Variants in IMMT observed in about 807,000 individuals in gnomAD.
IMMT encodes MICOS complex subunit MIC60.
IMMT carries 40 observed loss-of-function variants against 92.7 expected under a neutral mutation model. The observed-to-expected ratio is 0.43, with a 90% CI of 0.34 to 0.56. The LOEUF (loss-of-function observed/expected upper bound fraction) is 0.56. Among genes scored for constraint, IMMT ranks in the 20% least tolerant of loss-of-function variants. The probability of loss-of-function intolerance (pLI) is 0.03; values close to 1 mark genes in which losing one functional copy is unlikely to be tolerated. For missense variants in IMMT, 831 were observed against 912.1 expected (o/e 0.91, Z 1.14); for synonymous variants, 322 against 336.1 (o/e 0.96, Z 0.46).
chr2:86,162,269 C>A (rs535163068), intron 7 of IMMT, among the ~76,000 whole-genome samples, 190 bp from the exon 8 acceptor site: 3 of 151,356 alleles, frequency 2.0e-5, no homozygotes, highest in Non-Finnish European at 4.4e-5. Context: ...CTGCCCACAT[C>A]GGCCCCTCAA....
Position 86,151,292 on chromosome 2 carries a change from CT to C in IMMT, c.1401+4del. 6.2e-7 allele frequency: 1 copy of C among 1,603,124 alleles called. No homozygotes were observed. Among genetic ancestry groups the C allele is most frequent in the East Asian group, 2.2e-5 (1 of 44,822 alleles). ...ATGTTAGGCAACAATTCTCATTTCT[CT>C]TACCTTTCTGTCCTGTTCAGCCTGT... On this transcript the variant is annotated splice_donor_region_variant and intron_variant, in intron 12 of 14. Transcript: ENST00000410111.
chr2:86,149,933 A>ATGAC (rs949360968), intron 12 of IMMT, among the ~76,000 whole-genome samples: 5 of 151,994 alleles, frequency 3.3e-5, no homozygotes, highest in Non-Finnish European at 7.4e-5. Context: ...AGCTGTTAAG[A>ATGAC]TGACAGCTTG....
chr2:86,154,427 T>C (rs1051424711), intron 10 of IMMT, among the ~76,000 whole-genome samples: 1 of 152,154 alleles, frequency 6.6e-6, no homozygotes, highest in African/African-American at 2.4e-5. Context: ...TGCCTCGGCC[T>C]CCCAAAGTGC....
At chr2:86,187,250 TTC>T (rs1450448290) in intron 1 of IMMT, among the ~76,000 whole-genome samples, 5 of 152,182 alleles carry the variant, frequency 3.3e-5, no homozygotes, top group Admixed American at 6.5e-5. Flanking sequence ...ACCATGTACT[TTC>T]TGTTTCTATG....
In IMMT at chr2:86,151,449, T is replaced by A; in HGVS notation, c.1249A>T (p.Arg417Ter). 6.2e-7 allele frequency: 1 copy of A among 1,614,046 alleles called. No individual in the cohort carries two copies. ...GTGGCCTTCTGTTCTGCCAGCTCTC[T>A]GTTCAGCTGATCAATACGACGATGT... ...HAHRRIDQLNRELAEQKATEK... is the reference protein window; with the variant it reads ...HAHRRIDQLN Residue 417 changes from arginine to a stop codon, truncating the protein, a stop_gained, in exon 12 of 15, where the codon AGA becomes TGA. Coordinates refer to ENST00000410111, the MANE Select transcript of IMMT (RefSeq NM_006839.3). LOFTEE classifies it high-confidence loss of function.
At chr2:86,177,108 G>C (rs181623211) in intron 3 of IMMT, among the ~76,000 whole-genome samples, 1 of 152,256 alleles carries the variant, frequency 6.6e-6, no homozygotes, top group Admixed American at 6.5e-5. Flanking sequence ...TTTTGCTATA[G>C]GATGGGTCTC....
intron 1 of IMMT, among the ~76,000 whole-genome samples, chr2:86,183,759 TG>T (rs1175358975): frequency 6.6e-6 from 1 of 152,172 alleles, no homozygotes; most frequent in African/African-American, 2.4e-5. Context: ...TTTACACAAA[TG>T]ATACCATAAT....
intron 1 of IMMT, among the ~76,000 whole-genome samples, chr2:86,186,553 T>C (rs905063114): frequency 1.3e-5 from 2 of 152,196 alleles, no homozygotes; most frequent in Non-Finnish European, 2.9e-5. Context: ...ACACTTGCCC[T>C]TGGAACCCAG....
chr2:86,184,876 A>G (rs1672653625), intron 1 of IMMT, among the ~76,000 whole-genome samples: 1 of 152,242 alleles, frequency 6.6e-6, no homozygotes, highest in African/African-American at 2.4e-5. Flanking sequence ...CACCTAATGA[A>G]CTGACGTACT....
At chr2:86,153,931 C>T (rs529482047) in intron 10 of IMMT, among the ~76,000 whole-genome samples, 51 of 152,244 alleles carry the variant, frequency 3.3e-4, no homozygotes, top group African/African-American at 1.2e-3. Flanking sequence ...GGTACAATCT[C>T]AGGTCACCAC....
rs759721017 is a variant in IMMT at position 86,166,660 on chromosome 2, G to T, written c.656-16C>A. 1 of 1,541,652 alleles carries T rather than the reference G, an allele frequency of 6.5e-7. No individual in the cohort carries two copies. The highest frequency in any genetic ancestry group is 8.7e-7 in the Non-Finnish European group (1 of 1,144,704). The stretch of plus-strand genomic sequence containing the variant: ...TTGGCTAGAGCTTAAAAAAAAAAAA[G>T]AACAGTTAAAAAACAAATCCTACCC... On this transcript the variant is annotated splice_polypyrimidine_tract_variant and intron_variant, in intron 6 of 14. Coordinates refer to ENST00000410111, the MANE Select transcript of IMMT (RefSeq NM_006839.3).
At chr2:86,184,753 A>T (rs528864265) in intron 1 of IMMT, among the ~76,000 whole-genome samples, 31 of 151,836 alleles carry the variant, frequency 2.0e-4, no homozygotes, top group African/African-American at 7.0e-4. Flanking sequence ...AAAAAAAAAA[A>T]TTTTGGAACC....
Position 86,179,640 on chromosome 2 carries a change from G to A in IMMT, c.120-18C>T, listed in dbSNP as rs988439435. 4 of 1,568,404 alleles carry A rather than the reference G, an allele frequency of 2.6e-6. No homozygotes were observed. Among genetic ancestry groups the A allele is most frequent in the Admixed American group, 4.0e-5 (2 of 50,188 alleles). ...TAGTCAACCTAAGTGAAAGAAACAG[G>A]AAATACATTTATATTTCTTGGCTCT... On this transcript the variant is annotated intron_variant, in intron 2 of 14. Transcript: ENST00000410111.
chr2:86,183,428 C>A (rs1243893084), intron 1 of IMMT, among the ~76,000 whole-genome samples: 2 of 152,196 alleles, frequency 1.3e-5, no homozygotes, highest in African/African-American at 4.8e-5. Context: ...CAGGCATGAA[C>A]AACCACGCCC....
intron 4 of IMMT, 68 bp downstream of exon 4, chr2:86,173,580 CAA>C (rs543469925): frequency 2.9e-3 from 2,163 of 758,074 alleles, no homozygotes; most frequent in East Asian, 4.2e-3. Flanking sequence ...AACTCCATCT[CAA>C]AAAAAAAAAA....
At chr2:86,173,513 G>A (rs1172153324) in intron 4 of IMMT, 137 bp downstream of exon 4, 1 of 600,644 alleles carries the variant, frequency 1.7e-6, no homozygotes, top group Non-Finnish European at 3.0e-6. Flanking sequence ...CTGGGAGGTG[G>A]AGGCTGCGGT....
chr2:86,179,468 G>T lies in IMMT; in HGVS notation c.274C>A (p.Pro92Thr). The T allele has an allele frequency of 6.2e-7, 1 of 1,609,684 alleles. No homozygotes were observed. Among genetic ancestry groups the T allele is most frequent in the Non-Finnish European group, 8.5e-7 (1 of 1,178,678 alleles). ...GGCAATGGAACATTATAAGCTGCAG[G>T]ACCAAGAACCATCTCGAAGAGTTTG... ...SDKLFEMVLG[P>T]AAYNVPLPKK... Residue 92 changes from proline (P) to threonine (T), a missense_variant, in exon 3 of 15, where the codon CCT becomes ACT. Pro to Thr is a conservative substitution (Grantham distance 38). Transcript: ENST00000410111.
chr2:86,190,070 T>A (rs1673024849), intron 1 of IMMT, among the ~76,000 whole-genome samples: 1 of 152,154 alleles, frequency 6.6e-6, no homozygotes, highest in African/African-American at 2.4e-5. Context: ...ATCACTTCGG[T>A]GTAGTAAGTT....
chr2:86,169,591 T>A (rs555676585), intron 6 of IMMT, among the ~76,000 whole-genome samples: 12 of 152,214 alleles, frequency 7.9e-5, no homozygotes, highest in African/African-American at 2.6e-4. Flanking sequence ...AAAAGCTACA[T>A]CCCACGACCT....
Sources: allele counts gnomAD v4.1 joint callset (sites outside exome capture counted in the v4.1 genomes callset), GRCh38; gene constraint gnomAD v4.1.1; transcripts MANE v1.5; gene names NCBI Gene and HGNC (gene_info 2026-07-23, HGNC 2026-07-21).